Variants in EHBP1 observed in about 807,000 individuals in gnomAD.
EHBP1 encodes EH domain-binding protein 1.
A neutral mutation model predicts 144.0 loss-of-function variants in EHBP1; 55 were observed. The observed-to-expected ratio is 0.38, with a 90% CI of 0.31 to 0.48. EHBP1 has a LOEUF of 0.48. Ranked by LOEUF, EHBP1 falls within the 20% of genes least tolerant of loss-of-function variation. The pLI is 0.98. For missense variants in EHBP1, 1,200 were observed against 1,364.2 expected (o/e 0.88, Z 1.90); for synonymous variants, 469 against 472.7 (o/e 0.99, Z 0.10).
intron 15 of EHBP1, among the ~76,000 whole-genome samples, chr2:62,986,385 T>A (rs2153218883): frequency 6.6e-6 from 1 of 152,070 alleles, no homozygotes; most frequent in East Asian, 1.9e-4. Context: ...TTTTTATCTC[T>A]ATGCTTTTTT....
intron 5 of EHBP1, among the ~76,000 whole-genome samples, chr2:62,821,274 T>TACACCAA (rs2045961493): frequency 6.6e-6 from 1 of 152,170 alleles, no homozygotes; most frequent in Non-Finnish European, 1.5e-5. Context: ...AGGAGAGGCA[T>TACACCAA]TACATTAATT....
intron 10 of EHBP1, among the ~76,000 whole-genome samples, chr2:62,901,925 A>G (rs969893753): frequency 1.3e-5 from 2 of 151,886 alleles, no homozygotes; most frequent in African/African-American, 4.8e-5. Flanking sequence ...TGACTGTGCC[A>G]CTGCACTCCA....
At chr2:62,816,223 T>TTAAA (rs1366742892) in intron 5 of EHBP1, among the ~76,000 whole-genome samples, 1 of 152,206 alleles carries the variant, frequency 6.6e-6, no homozygotes, top group Non-Finnish European at 1.5e-5. Flanking sequence ...AAACCAGACT[T>TTAAA]TAAAGAGACT....
intron 3 of EHBP1, among the ~76,000 whole-genome samples, chr2:62,749,548 G>C (rs2152188747): frequency 6.6e-6 from 1 of 152,294 alleles, no homozygotes; most frequent in East Asian, 1.9e-4. Flanking sequence ...CTAGATCCTT[G>C]AGGAATCGCC....
chr2:62,822,539 A>T (rs2046057513), intron 5 of EHBP1, among the ~76,000 whole-genome samples: 1 of 152,122 alleles, frequency 6.6e-6, no homozygotes, highest in Non-Finnish European at 1.5e-5. Context: ...AATTATTTTC[A>T]TGTGTTATTG....
intron 9 of EHBP1, among the ~76,000 whole-genome samples, chr2:62,873,148 A>G (rs1388218849): frequency 6.6e-6 from 1 of 152,178 alleles, no homozygotes; most frequent in Non-Finnish European, 1.5e-5. Context: ...CTCACAATAT[A>G]GAATTACAAA....
intron 5 of EHBP1, among the ~76,000 whole-genome samples, chr2:62,804,820 G>A (rs1246010160): frequency 6.6e-6 from 1 of 152,198 alleles, no homozygotes; most frequent in East Asian, 1.9e-4. Flanking sequence ...AATCAGTGGT[G>A]GCATTAGATT....
intron 7 of EHBP1, among the ~76,000 whole-genome samples, chr2:62,840,109 C>A (rs1191206616): frequency 6.6e-6 from 1 of 150,964 alleles, no homozygotes; most frequent in East Asian, 1.9e-4. Flanking sequence ...CTACAGTAAC[C>A]AAAACAGCAT....
At chr2:62,923,078 G>C (rs2055212511) in intron 10 of EHBP1, among the ~76,000 whole-genome samples, 1 of 152,108 alleles carries the variant, frequency 6.6e-6, no homozygotes, top group African/African-American at 2.4e-5. Context: ...CTTGAGACCA[G>C]GGACACCTCT....
At chr2:62,925,324 C>T (rs1169269448) in intron 10 of EHBP1, among the ~76,000 whole-genome samples, 1 of 151,260 alleles carries the variant, frequency 6.6e-6, no homozygotes, top group Non-Finnish European at 1.5e-5. Context: ...CACTTCTATT[C>T]AGCATACTAC....
intron 19 of EHBP1, among the ~76,000 whole-genome samples, chr2:63,025,721 A>G (rs1395348853): frequency 1.3e-5 from 2 of 152,186 alleles, no homozygotes; most frequent in Non-Finnish European, 2.9e-5. Flanking sequence ...TAAAATTTAT[A>G]TCATGATAAA....
chr2:62,842,406 A>T (rs2047966625), intron 7 of EHBP1, among the ~76,000 whole-genome samples: 1 of 152,270 alleles, frequency 6.6e-6, no homozygotes, highest in African/African-American at 2.4e-5. Context: ...TTATAAGGGC[A>T]ATAGTATTAT....
intron 5 of EHBP1, among the ~76,000 whole-genome samples, chr2:62,789,886 A>G (rs560087882): frequency 1.3e-5 from 2 of 152,322 alleles, no homozygotes; most frequent in South Asian, 4.1e-4. Flanking sequence ...CAACTAGGAA[A>G]AACCCCTTTC....
rs2053001660 is a variant in EHBP1, at chr2:62,897,111, G to T, written c.1185+22579G>T. On this transcript the variant is annotated intron_variant, in intron 10 of 22. Coordinates refer to ENST00000431489, the MANE Select transcript of EHBP1 (RefSeq NM_001142616.3). ...TTCCTAACCATAACCACTACTATTA[G>T]CTTCTTGTGTATTCTCCTCGTAGTT... Among the ~76,000 whole-genome samples the T allele has an allele frequency of 2.0e-5, 3 of 152,062 alleles. No individual in the cohort carries two copies. The South Asian group carries it at 6.2e-4, about 32-fold the overall frequency.
chr2:63,013,626 T>C (rs2060361848), intron 19 of EHBP1, among the ~76,000 whole-genome samples: 1 of 152,210 alleles, frequency 6.6e-6, no homozygotes, highest in Admixed American at 6.5e-5. Flanking sequence ...TTTGTCAGAA[T>C]GCTAATGAGC....
At chr2:62,815,597 T>C (rs2045379198) in intron 5 of EHBP1, among the ~76,000 whole-genome samples, 1 of 152,220 alleles carries the variant, frequency 6.6e-6, no homozygotes, top group African/African-American at 2.4e-5. Context: ...AACACCACTT[T>C]TTACTTGAAA....
intron 8 of EHBP1, among the ~76,000 whole-genome samples, chr2:62,862,700 A>G (rs1201964729): frequency 6.6e-6 from 1 of 152,228 alleles, no homozygotes; most frequent in Non-Finnish European, 1.5e-5. Flanking sequence ...GTCACTTAGG[A>G]AACAATTTTT....
At chr2:62,796,235 G>A (rs1480993010) in intron 5 of EHBP1, among the ~76,000 whole-genome samples, 1 of 151,882 alleles carries the variant, frequency 6.6e-6, no homozygotes, top group African/African-American at 2.4e-5. Flanking sequence ...GCTTGTTTGG[G>A]ACTCTGCCTA....
intron 2 of EHBP1, among the ~76,000 whole-genome samples, chr2:62,727,966 A>G (rs928079665): frequency 3.9e-5 from 6 of 152,306 alleles, no homozygotes; most frequent in African/African-American, 1.4e-4. Context: ...TGCACGATTG[A>G]CATCAGGGGT....
Sources: allele counts gnomAD v4.1 joint callset (sites outside exome capture counted in the v4.1 genomes callset), GRCh38; gene constraint gnomAD v4.1.1; transcripts MANE v1.5; gene names NCBI Gene and HGNC (gene_info 2026-07-23, HGNC 2026-07-21).